Variants in DNAI1 observed in about 807,000 individuals in gnomAD.
DNAI1 encodes dynein axonemal intermediate chain 1, also known as dynein, axonemal, intermediate polypeptide 1.
In DNAI1, 67 loss-of-function variants were observed where a neutral mutation model predicts 92.0. That is an observed-to-expected ratio of 0.73 (90% CI 0.60 to 0.89). The LOEUF (loss-of-function observed/expected upper bound fraction) is 0.89, where lower values mean the gene tolerates loss of function less well. Ranked by LOEUF, DNAI1 falls within the 40% of genes least tolerant of loss-of-function variation. The pLI, the probability that DNAI1 is intolerant of heterozygous loss-of-function variation, is 0.00. For missense variants in DNAI1, 839 were observed against 866.6 expected, an observed-to-expected ratio of 0.97 and a Z score of 0.40; for synonymous variants, 323 against 319.6, an observed-to-expected ratio of 1.01 and a Z score of -0.11.
intron 4 of DNAI1, among the ~76,000 whole-genome samples, chr9:34,485,846 A>C (rs1824458501): frequency 6.6e-6 from 1 of 152,202 alleles, no homozygotes; most frequent in South Asian, 2.1e-4. Context: ...GAGTCTTCAA[A>C]AGCTGAGTTT....
intron 18 of DNAI1, among the ~76,000 whole-genome samples, chr9:34,516,951 G>C (rs1825180863): frequency 6.6e-6 from 1 of 151,862 alleles, no homozygotes; most frequent in South Asian, 2.1e-4. Context: ...ATGTTGGCCA[G>C]CCTGGTCTCA....
At chr9:34,508,116 TCTCTG>T in intron 13 of DNAI1, among the ~76,000 whole-genome samples, 1 of 152,182 alleles carries the variant, frequency 6.6e-6, no homozygotes, top group Non-Finnish European at 1.5e-5. Flanking sequence ...TTGCTCAAGG[TCTCTG>T]GGCTCATCAG....
At position 34,480,196 on chromosome 9, in the gene DNAI1, C is replaced by CAT. The variant is rs532779881; in HGVS notation, c.49-3249_49-3248dup. 1.1e-3 allele frequency among the ~76,000 whole-genome samples: 160 copies of CAT among 151,762 alleles called. 2 individuals carry two copies. The South Asian group carries it at 0.032, about 31-fold the overall frequency. On this transcript the variant is annotated intron_variant, in intron 1 of 19. Coordinates refer to ENST00000242317, the MANE Select transcript of DNAI1 (RefSeq NM_012144.4). ...CCCTCCCTCACGTCTCCAGTCCCCT[C>CAT]ATATGCTTGATCATCTGAAACACCT...
intron 13 of DNAI1, among the ~76,000 whole-genome samples, chr9:34,511,204 ATGGCT>A (rs1282587111): frequency 6.6e-6 from 1 of 152,222 alleles, no homozygotes; most frequent in Non-Finnish European, 1.5e-5. Context: ...TCTCTGGGAC[ATGGCT>A]TGGCCAGGCC....
At chr9:34,517,561 T>G in intron 19 of DNAI1, 94 bp downstream of exon 19, 2 of 1,452,060 alleles carry the variant, frequency 1.4e-6, no homozygotes, top group Non-Finnish European at 1.9e-6. Context: ...CCACCCAGTT[T>G]CTGATGTGGG....
intron 12 of DNAI1, among the ~76,000 whole-genome samples, chr9:34,505,559 C>T (rs1211522390): frequency 6.6e-6 from 1 of 152,204 alleles, no homozygotes; most frequent in Non-Finnish European, 1.5e-5. Flanking sequence ...CCTTATTCTG[C>T]CTACCACACA....
chr9:34,475,212 C>G (rs551082660), intron 1 of DNAI1, among the ~76,000 whole-genome samples: 1 of 152,116 alleles, frequency 6.6e-6, no homozygotes, highest in Admixed American at 6.6e-5. Flanking sequence ...GAAACGGAAA[C>G]GGCAAGCTGG....
chr9:34,470,946 G>C (rs1824124295), intron 1 of DNAI1, among the ~76,000 whole-genome samples: 1 of 152,094 alleles, frequency 6.6e-6, no homozygotes, highest in African/African-American at 2.4e-5. Context: ...GAACAAAATA[G>C]AAGTAAATAA....
At chr9:34,515,375 G>A (rs1360932631) in intron 18 of DNAI1, among the ~76,000 whole-genome samples, 2 of 152,180 alleles carry the variant, frequency 1.3e-5, no homozygotes, top group Non-Finnish European at 2.9e-5. Context: ...TAACTACTAA[G>A]GGCCAACGAT....
At chr9:34,496,131 C>T (rs1427121616) in intron 9 of DNAI1, among the ~76,000 whole-genome samples, 2 of 152,170 alleles carry the variant, frequency 1.3e-5, no homozygotes, top group Non-Finnish European at 2.9e-5. Context: ...CCACCATCCG[C>T]CCCCACTTAC....
chr9:34,519,007 G>A (rs149673096), intron 19 of DNAI1, among the ~76,000 whole-genome samples: 2,119 of 152,192 alleles, frequency 0.014, 42 homozygotes, highest in African/African-American at 0.047. Flanking sequence ...TCCCCTCAGA[G>A]AAGGGTCAGT....
At chr9:34,515,347 A>T (rs372719663) in intron 18 of DNAI1, among the ~76,000 whole-genome samples, 2 of 152,236 alleles carry the variant, frequency 1.3e-5, no homozygotes, top group Non-Finnish European at 2.9e-5. Context: ...TCCGTCAGTC[A>T]TCTCTTCCTG....
chr9:34,497,093 T>G (rs1414736255), intron 9 of DNAI1, 22 bp from the exon 10 acceptor site: 1 of 1,603,970 alleles, frequency 6.2e-7, no homozygotes, highest in Non-Finnish European at 8.5e-7. Flanking sequence ...TATGAGGACC[T>G]GAAGTTTCTG....
intron 19 of DNAI1, among the ~76,000 whole-genome samples, chr9:34,518,399 G>T (rs2132087526): frequency 6.6e-6 from 1 of 152,338 alleles, no homozygotes; most frequent in African/African-American, 2.4e-5. Context: ...CCCCACCATG[G>T]CCAGGGAGGC....
chr9:34,472,447 C>T (rs1824156029), intron 1 of DNAI1, among the ~76,000 whole-genome samples: 1 of 152,162 alleles, frequency 6.6e-6, no homozygotes, highest in Non-Finnish European at 1.5e-5. Flanking sequence ...TGGCTTCTGC[C>T]CTCCTGTGTT....
chr9:34,484,904 C>G lies in DNAI1; in HGVS notation c.82-238C>G, dbSNP rs528717348. The G allele has an allele frequency of 2.8e-4, 132 of 478,590 alleles. 4 individuals carry two copies. The highest frequency in any genetic ancestry group is 2.0e-3 in the South Asian group (98 of 49,180). 29.6% of individuals were successfully genotyped at this position (478,590 alleles called of 1,614,324 possible). ...GGGGCCAGAGGCCTACCACAACATT[C>G]CAAGTTCCAGCTAAGCCTGACCCCC... is the stretch of plus-strand genomic sequence containing the variant. On this transcript the variant is annotated intron_variant, in intron 2 of 19. Coordinates refer to ENST00000242317, the MANE Select transcript of DNAI1 (RefSeq NM_012144.4).
rs548375772 is a variant in DNAI1 at position 34,476,552 on chromosome 9, C to T, written c.49-6896C>T. 3.3e-5 allele frequency among the ~76,000 whole-genome samples: 5 copies of T among 152,226 alleles called. No homozygotes were observed. The South Asian group carries it at 1.0e-3, about 32-fold the overall frequency. ...AAGTGTGCTAAGCCAAGGAGGTGAT[C>T]CAGAGCTGTGCTAGAAGAACAAGGG... is the stretch of plus-strand genomic sequence containing the variant. On this transcript the variant is annotated intron_variant, in intron 1 of 19. Coordinates refer to ENST00000242317, the MANE Select transcript of DNAI1 (RefSeq NM_012144.4).
chr9:34,468,186 G>C (rs1022096946), intron 1 of DNAI1, among the ~76,000 whole-genome samples: 4 of 143,444 alleles, frequency 2.8e-5, no homozygotes, highest in Non-Finnish European at 4.5e-5. Context: ...GAGGAAGAAG[G>C]CTTTTTTTTT....
chr9:34,485,028 T>G (rs1554686711), intron 2 of DNAI1, 114 bp from the exon 3 acceptor site: 3 of 978,420 alleles, frequency 3.1e-6, no homozygotes, highest in Non-Finnish European at 4.9e-6. Flanking sequence ...TTTTGTATTC[T>G]ACATACAAGG....
Sources: gnomAD v4.1 joint callset for allele counts (sites outside exome capture counted in the v4.1 genomes callset) on GRCh38, gnomAD v4.1.1 for gene constraint, MANE v1.5 for transcripts, NCBI Gene and HGNC (gene_info 2026-07-23, HGNC 2026-07-21) for gene names.